Variants in DTNA observed in about 807,000 individuals in gnomAD.
The protein encoded by DTNA is dystrophin-related protein 3.
In DTNA, 43 loss-of-function variants were observed where a neutral mutation model predicts 100.7. The observed-to-expected ratio is 0.43, with a 90% CI of 0.33 to 0.55. The LOEUF is 0.55. Among genes scored for constraint, DTNA ranks in the 20% least tolerant of loss-of-function variants. The pLI, the probability that DTNA is intolerant of heterozygous loss-of-function variation, is 0.04. For synonymous variants in DTNA, 349 were observed against 347.9 expected (o/e 1.00, Z -0.04); for missense variants, 798 against 953.9 (o/e 0.84, Z 2.15).
At chr18:34,817,380 A>T (rs1294237786) in intron 7 of DTNA, among the ~76,000 whole-genome samples, 11 of 152,178 alleles carry the variant, frequency 7.2e-5, no homozygotes, top group African/African-American at 2.7e-4. Flanking sequence ...AGCTCATAGC[A>T]TGTAGACAAT....
intron 9 of DTNA, chr18:34,825,247 C>T (rs1310554160): frequency 3.1e-6 from 5 of 1,613,036 alleles, no homozygotes; most frequent in Non-Finnish European, 3.4e-6. Flanking sequence ...CTATTCTGTT[C>T]AATTCTTCGC....
chr18:34,538,590 C>A (rs1164616413), intron 1 of DTNA, among the ~76,000 whole-genome samples: 2 of 151,830 alleles, frequency 1.3e-5, no homozygotes, highest in East Asian at 3.9e-4. Context: ...GTTTTAGTTT[C>A]CTCATATGAA....
chr18:34,591,923 T>TAA, intron 1 of DTNA, among the ~76,000 whole-genome samples: 1 of 152,200 alleles, frequency 6.6e-6, no homozygotes, highest in Non-Finnish European at 1.5e-5. Context: ...TCCCTCATGG[T>TAA]TTCTTAAGAT....
chr18:34,776,024 G>A (rs1490942786), intron 3 of DTNA, among the ~76,000 whole-genome samples: 2 of 152,192 alleles, frequency 1.3e-5, no homozygotes, highest in African/African-American at 4.8e-5. Flanking sequence ...ATATGTAAGA[G>A]CCACTGGGAC....
intron 1 of DTNA, among the ~76,000 whole-genome samples, chr18:34,591,192 G>C (rs1464956992): frequency 1.3e-5 from 2 of 151,650 alleles, no homozygotes; most frequent in African/African-American, 4.8e-5. Context: ...TTAATATTTA[G>C]AATCACACAC....
chr18:34,495,561 A>G (rs2039100766), intron 1 of DTNA, among the ~76,000 whole-genome samples: 1 of 152,200 alleles, frequency 6.6e-6, no homozygotes, highest in Non-Finnish European at 1.5e-5. Context: ...GAGGAAGTTT[A>G]GTTATATTTA....
intron 17 of DTNA, chr18:34,866,928 GCTGTCTGAA>G: frequency 2.6e-6 from 3 of 1,154,322 alleles, no homozygotes; most frequent in Non-Finnish European, 3.2e-6. Context: ...CTAAACTGGA[GCTGTCTGAA>G]CCTGTGGTCA....
intron 1 of DTNA, among the ~76,000 whole-genome samples, chr18:34,593,070 A>AG (rs1473455542): frequency 2.0e-5 from 3 of 152,164 alleles, no homozygotes; most frequent in Non-Finnish European, 2.9e-5. Flanking sequence ...AGGGGATGGC[A>AG]GGGGAAGCAT....
intron 1 of DTNA, among the ~76,000 whole-genome samples, chr18:34,620,501 A>G (rs2056274960): frequency 6.6e-6 from 1 of 152,222 alleles, no homozygotes; most frequent in African/African-American, 2.4e-5. Flanking sequence ...TCACATTGCT[A>G]TAAATAAATA....
intron 16 of DTNA, 30 bp from the exon 17 acceptor site, chr18:34,863,936 C>G (rs369200781): frequency 1.3e-5 from 20 of 1,583,116 alleles, no homozygotes; most frequent in Admixed American, 3.5e-5. Flanking sequence ...AGTTGCATGC[C>G]GCTTCTGATG....
intron 1 of DTNA, among the ~76,000 whole-genome samples, chr18:34,716,179 G>C (rs942158698): frequency 6.6e-6 from 1 of 152,082 alleles, no homozygotes; most frequent in South Asian, 2.1e-4. Context: ...ATAGTTTTTC[G>C]TTGTTTCAGA....
At chr18:34,690,975 C>A (rs1183615303) in intron 1 of DTNA, among the ~76,000 whole-genome samples, 1 of 152,124 alleles carries the variant, frequency 6.6e-6, no homozygotes, top group East Asian at 1.9e-4. Context: ...AGTTAAATAA[C>A]CTGCCCGAGG....
intron 1 of DTNA, among the ~76,000 whole-genome samples, chr18:34,611,957 G>A (rs1315557896): frequency 6.6e-6 from 1 of 152,188 alleles, no homozygotes. Flanking sequence ...TGTTTCACGG[G>A]GCTCATTGAT....
intron 1 of DTNA, among the ~76,000 whole-genome samples, chr18:34,576,463 GTTTA>G (rs989003674): frequency 2.6e-5 from 4 of 152,076 alleles, no homozygotes; most frequent in African/African-American, 4.8e-5. Context: ...TGTTTTGTTT[GTTTA>G]TTTATTTATT....
intron 1 of DTNA, among the ~76,000 whole-genome samples, chr18:34,541,459 G>C (rs1044512189): frequency 6.6e-6 from 1 of 151,994 alleles, no homozygotes; most frequent in African/African-American, 2.4e-5. Flanking sequence ...CTGTTCTCTT[G>C]ATTGTGAATA....
chr18:34,647,453 T>C (rs1295930472), intron 1 of DTNA, among the ~76,000 whole-genome samples: 2 of 152,178 alleles, frequency 1.3e-5, no homozygotes, highest in African/African-American at 4.8e-5. Context: ...CGCCTAGAAG[T>C]ACCTCGTATC....
At chr18:34,652,221 T>G (rs73414421) in intron 1 of DTNA, among the ~76,000 whole-genome samples, 107 of 151,558 alleles carry the variant, frequency 7.1e-4, no homozygotes, top group African/African-American at 2.4e-3. Context: ...AGGACAAAAG[T>G]GGAAAGATCA....
chr18:34,557,578 C>G lies in DTNA; in HGVS notation c.-2+64064C>G, dbSNP rs566171317. 2.0e-5 allele frequency among the ~76,000 whole-genome samples: 3 copies of G among 151,158 alleles called. No homozygotes were observed. In the East Asian group the frequency reaches 5.9e-4, roughly 29 times the overall value. ...ATGTCCTTTCTGTTTGTTAGTTTTC[C>G]TTCTAACAGACAGGACCCTCAGCTG... On this transcript the variant is annotated intron_variant, in intron 1 of 19. Transcript: ENST00000283365.
chr18:34,643,306 G>C (rs1568102743), intron 1 of DTNA, among the ~76,000 whole-genome samples: 1 of 152,160 alleles, frequency 6.6e-6, no homozygotes, highest in Non-Finnish European at 1.5e-5. Context: ...AAGAATGCAT[G>C]ATGTTAGTTT....
Sources: gnomAD v4.1 joint callset for allele counts (sites outside exome capture counted in the v4.1 genomes callset) on GRCh38, gnomAD v4.1.1 for gene constraint, MANE v1.5 for transcripts, NCBI Gene and HGNC (gene_info 2026-07-23, HGNC 2026-07-21) for gene names.